ARFGEF1: variants seen among roughly 807,000 people sequenced by gnomAD.
ARFGEF1 encodes the protein brefeldin A-inhibited guanine nucleotide-exchange protein 1.
A neutral mutation model predicts 231.0 loss-of-function variants in ARFGEF1; 42 were observed. The ratio of observed to expected loss-of-function variants is 0.18; its 90% CI spans 0.14 to 0.24. The LOEUF (loss-of-function observed/expected upper bound fraction) is 0.24. ARFGEF1 is among the 10% of genes least tolerant of loss of function. ARFGEF1 has a pLI of 1.00. For synonymous variants in ARFGEF1, 710 were observed against 732.3 expected, an observed-to-expected ratio of 0.97 and a Z score of 0.49; for missense variants, 1,345 against 2,192.0, an observed-to-expected ratio of 0.61 and a Z score of 7.72.
intron 10 of ARFGEF1, among the ~76,000 whole-genome samples, chr8:67,268,959 AAGAG>A (rs1324958316): frequency 1.3e-5 from 2 of 152,132 alleles, no homozygotes; most frequent in East Asian, 3.9e-4. Context: ...TATAGACTGG[AAGAG>A]AGAGGGAAGA....
intron 5 of ARFGEF1, among the ~76,000 whole-genome samples, chr8:67,192,303 A>T (rs1800275773): frequency 6.6e-6 from 1 of 151,964 alleles, no homozygotes; most frequent in South Asian, 2.1e-4. Flanking sequence ...TTGAACTCCT[A>T]ACCTCGGGTG....
intron 19 of ARFGEF1, among the ~76,000 whole-genome samples, chr8:67,250,215 T>A (rs1840236378): frequency 6.6e-6 from 1 of 152,098 alleles, no homozygotes; most frequent in Non-Finnish European, 1.5e-5. Flanking sequence ...GGCATTTCAT[T>A]TGGTATTTTA....
chr8:67,288,959 CA>C (rs550504271), intron 6 of ARFGEF1, among the ~76,000 whole-genome samples: 3 of 142,706 alleles, frequency 2.1e-5, no homozygotes, highest in Non-Finnish European at 1.5e-5. Flanking sequence ...ACAAAAAAAA[CA>C]AAAAAAAAAC....
intron 19 of ARFGEF1, among the ~76,000 whole-genome samples, chr8:67,244,467 C>A (rs1475082878): frequency 6.7e-6 from 1 of 148,592 alleles, no homozygotes; most frequent in Non-Finnish European, 1.5e-5. Flanking sequence ...AGCCACTATA[C>A]CTGGCTAATT....
intron 7 of ARFGEF1, among the ~76,000 whole-genome samples, chr8:67,279,699 T>C (rs1272881977): frequency 6.6e-6 from 1 of 152,228 alleles, no homozygotes; most frequent in Non-Finnish European, 1.5e-5. Context: ...ATCTTCACTT[T>C]ATCACTTCTT....
At position 67,203,218 on chromosome 8, in the gene ARFGEF1, T is replaced by A; in HGVS notation, c.4993A>T (p.Thr1665Ser). 6.2e-7 allele frequency: 1 copy of A among 1,614,158 alleles called. No individual in the cohort carries two copies. Among genetic ancestry groups the A allele is most frequent in the African/African-American group, 1.3e-5 (1 of 75,038 alleles). Residue 1665 changes from threonine (T) to serine (S), a missense_variant, in exon 36 of 39, where the codon ACT becomes TCT. Physicochemically the swap from Thr to Ser is moderately conservative, Grantham distance 58. Coordinates refer to ENST00000262215, the MANE Select transcript of ARFGEF1 (RefSeq NM_006421.5). ...AAGCGGTACATTCCTTGGTCTTGAG[T>A]ATCAACGCGAACATCAAAGTCCACC... Reference protein sequence around the residue: ...DAVDFDVRVDTQDQGMYRFLT... With the variant: ...DAVDFDVRVDSQDQGMYRFLT...
chr8:67,244,242 C>CAAAAA (rs34333039), intron 19 of ARFGEF1, among the ~76,000 whole-genome samples: 1 of 20,096 alleles, frequency 5.0e-5, no homozygotes, highest in African/African-American at 1.5e-4. Flanking sequence ...GACTCCACCT[C>CAAAAA]AAAAAAAAAA....
intron 25 of ARFGEF1, 140 bp downstream of exon 25, chr8:67,227,823 C>A: frequency 2.4e-6 from 2 of 841,068 alleles, no homozygotes; most frequent in Non-Finnish European, 3.4e-6. Context: ...AGAAAAACAC[C>A]ATTCACAGGG....
Position 67,343,762 on chromosome 8 carries a change from C to T in ARFGEF1, c.-475G>A, listed in dbSNP as rs1361761098. The T allele has an allele frequency of 3.8e-6, 1 of 261,186 alleles. No homozygotes were observed. The highest frequency in any genetic ancestry group is 6.0e-6 in the Non-Finnish European group (1 of 165,918). 16.2% of individuals were successfully genotyped at this position (261,186 alleles called of 1,614,324 possible). On this transcript the variant is annotated 5_prime_UTR_variant, in exon 1 of 39. Transcript: ENST00000262215. Reference sequence around the variant, plus strand: ...CCCCATCACCGCCGACCTGCCCCGGCCGCCATGTTGGGAGGAAACGACGCG... The same window carrying T: ...CCCCATCACCGCCGACCTGCCCCGGTCGCCATGTTGGGAGGAAACGACGCG...
At chr8:67,283,500 T>C (rs1211937436) in intron 7 of ARFGEF1, among the ~76,000 whole-genome samples, 2 of 152,128 alleles carry the variant, frequency 1.3e-5, no homozygotes, top group Non-Finnish European at 2.9e-5. Flanking sequence ...GTAATATATA[T>C]GCAGGCATGT....
chr8:67,243,042 T>A (rs539807809), intron 19 of ARFGEF1, among the ~76,000 whole-genome samples: 47 of 152,282 alleles, frequency 3.1e-4, no homozygotes, highest in Non-Finnish European at 6.2e-4. Context: ...CTGACTCATG[T>A]CCCTGGCTCC....
At position 67,203,270 on chromosome 8, in the gene ARFGEF1, C is replaced by A; in HGVS notation, c.4960-19G>T. The A allele has an allele frequency of 1.2e-6, 2 of 1,611,630 alleles. No homozygotes were observed. The highest frequency in any genetic ancestry group is 1.7e-6 in the Non-Finnish European group (2 of 1,178,882). ...CATCTCTCTTTGGAAAACAAACCAC[C>A]CCAGCATATACACACAGTCACAATA... is the stretch of plus-strand genomic sequence containing the variant. On this transcript the variant is annotated intron_variant, in intron 35 of 38. Transcript: ENST00000262215.
At chr8:67,192,790 C>T (rs924683795), downstream of ARFGEF1, among the ~76,000 whole-genome samples, 1 of 151,874 alleles carries the variant, frequency 6.6e-6, no homozygotes, top group Non-Finnish European at 1.5e-5. Context: ...ATTTTGTTAA[C>T]TCCGTCCATA....
intron 1 of ARFGEF1, among the ~76,000 whole-genome samples, chr8:67,337,413 C>A (rs1455228966): frequency 6.6e-6 from 1 of 152,116 alleles, no homozygotes; most frequent in African/African-American, 2.4e-5. Context: ...ATCAGCAAAT[C>A]CTGTGGATTC....
chr8:67,263,706 T>A (rs1311662198), intron 14 of ARFGEF1, among the ~76,000 whole-genome samples: 1 of 152,146 alleles, frequency 6.6e-6, no homozygotes, highest in Non-Finnish European at 1.5e-5. Context: ...GAAACACTTT[T>A]CACTAAGCTA....
chr8:67,297,863 C>T (rs539186889), intron 4 of ARFGEF1, among the ~76,000 whole-genome samples: 2 of 150,868 alleles, frequency 1.3e-5, no homozygotes, highest in Non-Finnish European at 2.9e-5. Context: ...AAGTGCAGTG[C>T]AGTGAACATG....
intron 7 of ARFGEF1, among the ~76,000 whole-genome samples, chr8:67,282,590 G>GA (rs1393727019): frequency 6.6e-6 from 1 of 152,068 alleles, no homozygotes; most frequent in African/African-American, 2.4e-5. Flanking sequence ...GCTCATGCCT[G>GA]TAATCCCAGC....
intron 23 of ARFGEF1, among the ~76,000 whole-genome samples, chr8:67,232,365 T>C (rs1478285977): frequency 6.6e-6 from 1 of 152,032 alleles, no homozygotes; most frequent in Non-Finnish European, 1.5e-5. Context: ...GGGTTTTCTT[T>C]TAGAAAACAA....
At chr8:67,342,775 A>G (rs921078742) in intron 1 of ARFGEF1, among the ~76,000 whole-genome samples, 1 of 152,158 alleles carries the variant, frequency 6.6e-6, no homozygotes, top group Non-Finnish European at 1.5e-5. Flanking sequence ...CAATCTTGAC[A>G]TACCAGCCCC....
Sources: allele counts gnomAD v4.1 joint callset (sites outside exome capture counted in the v4.1 genomes callset), GRCh38; gene constraint gnomAD v4.1.1; transcripts MANE v1.5; gene names NCBI Gene and HGNC (gene_info 2026-07-23, HGNC 2026-07-21).